MCPH1: variants seen among roughly 807,000 people sequenced by gnomAD.
MCPH1 encodes microcephalin.
A neutral mutation model predicts 84.5 loss-of-function variants in MCPH1; 104 were observed. The ratio of observed to expected loss-of-function variants is 1.23; its 90% CI spans 1.05 to 1.45. The LOEUF (loss-of-function observed/expected upper bound fraction) is 1.45, where lower values mean the gene tolerates loss of function less well. Ranked by LOEUF, MCPH1 falls within the 40% of genes most tolerant of loss-of-function variation. The pLI is 0.00. For missense variants in MCPH1, 1,498 were observed against 1,005.7 expected, an observed-to-expected ratio of 1.49 and a Z score of -6.62; for synonymous variants, 514 against 366.8, an observed-to-expected ratio of 1.40 and a Z score of -4.58.
chr8:6,478,738 G>A (rs757879356), intron 10 of MCPH1, among the ~76,000 whole-genome samples: 2 of 152,024 alleles, frequency 1.3e-5, no homozygotes, highest in Non-Finnish European at 2.9e-5. Context: ...TTTTGTTTTT[G>A]TTTTTGTTTT....
At chr8:6,517,422 A>C (rs1006009444) in intron 12 of MCPH1, among the ~76,000 whole-genome samples, 2 of 152,258 alleles carry the variant, frequency 1.3e-5, no homozygotes, top group African/African-American at 4.8e-5. Context: ...ATGACCATAC[A>C]TGCTTTTGAT....
intron 9 of MCPH1, among the ~76,000 whole-genome samples, chr8:6,466,080 G>C (rs867901640): frequency 6.7e-6 from 1 of 149,522 alleles, no homozygotes; most frequent in African/African-American, 2.5e-5. Flanking sequence ...TCAGCCTCCC[G>C]AGTAGCTGGG....
intron 13 of MCPH1, chr8:6,622,137 G>T (rs79123647): frequency 4.8e-5 from 13 of 268,168 alleles, no homozygotes; most frequent in Non-Finnish European, 8.1e-5. Context: ...TGATCACTCC[G>T]TCTGCTCATG....
chr8:6,630,192 T>C (rs1211649347), intron 13 of MCPH1, among the ~76,000 whole-genome samples: 1 of 152,088 alleles, frequency 6.6e-6, no homozygotes, highest in Non-Finnish European at 1.5e-5. Context: ...GGCTCAGCAA[T>C]AGCAAAAAAC....
At chr8:6,468,123 A>G (rs946051827) in intron 9 of MCPH1, among the ~76,000 whole-genome samples, 5 of 152,174 alleles carry the variant, frequency 3.3e-5, no homozygotes, top group African/African-American at 1.2e-4. Context: ...TTCACCACCA[A>G]GGATCCAGAG....
chr8:6,567,647 G>A (rs913354693), intron 12 of MCPH1, among the ~76,000 whole-genome samples: 2 of 152,142 alleles, frequency 1.3e-5, no homozygotes, highest in African/African-American at 4.8e-5. Context: ...GAAGCCTCGG[G>A]GAGCCAATGG....
At chr8:6,522,501 C>T (rs1345755063) in intron 12 of MCPH1, among the ~76,000 whole-genome samples, 2 of 152,146 alleles carry the variant, frequency 1.3e-5, no homozygotes, top group African/African-American at 4.8e-5. Flanking sequence ...GGGCCAGGCT[C>T]AGTGGCTCAC....
At chr8:6,447,891 T>A (rs1563225380) in intron 8 of MCPH1, among the ~76,000 whole-genome samples, 1 of 152,204 alleles carries the variant, frequency 6.6e-6, no homozygotes, top group African/African-American at 2.4e-5. Flanking sequence ...TTAATTTTTT[T>A]CTTTTTTACT....
At chr8:6,421,360 C>T (rs773630802) in intron 3 of MCPH1, among the ~76,000 whole-genome samples, 1 of 152,118 alleles carries the variant, frequency 6.6e-6, no homozygotes, top group Non-Finnish European at 1.5e-5. Context: ...GAGGCCTCTC[C>T]TGCCGGGCTT....
At chr8:6,463,021 G>A (rs1806455791) in intron 9 of MCPH1, among the ~76,000 whole-genome samples, 1 of 152,230 alleles carries the variant, frequency 6.6e-6, no homozygotes, top group African/African-American at 2.4e-5. Context: ...AGTCCACACT[G>A]TGTTTCTTGT....
intron 12 of MCPH1, among the ~76,000 whole-genome samples, chr8:6,611,246 T>A (rs1343953493): frequency 6.6e-6 from 1 of 152,122 alleles, no homozygotes; most frequent in Non-Finnish European, 1.5e-5. Context: ...TACAATCCAA[T>A]TGTGGCACCG....
chr8:6,504,266 C>G (rs942635729), intron 12 of MCPH1, among the ~76,000 whole-genome samples: 40 of 136,522 alleles, frequency 2.9e-4, no homozygotes, highest in African/African-American at 1.1e-3. Context: ...TGCAGTGAGC[C>G]GAGATCGCGC....
chr8:6,514,818 C>T (rs745762047), intron 12 of MCPH1: 7 of 1,556,044 alleles, frequency 4.5e-6, no homozygotes, highest in Non-Finnish European at 5.3e-6. Flanking sequence ...CAGAGCCCCC[C>T]CACTCCCCCC....
chr8:6,532,048 G>A (rs1337194678), intron 12 of MCPH1, among the ~76,000 whole-genome samples: 4 of 152,160 alleles, frequency 2.6e-5, no homozygotes, highest in East Asian at 1.9e-4. Context: ...GACAGAGGGG[G>A]TATTCATCTT....
Position 6,640,059 on chromosome 8 carries a change from CGTGTGTGTGTGTGTGTGTGTGTGTGT to C in MCPH1, c.2453-2921_2453-2896del, listed in dbSNP as rs147642349. Reference sequence around the variant, plus strand: ...CGGCTGGCTTCTGCTATTTTAAACTCGTGTGTGTGTGTGTGTGTGTGTGTGTGTGTGTGTGTGTGCGCGCGCGTGTG... The same window carrying C: ...CGGCTGGCTTCTGCTATTTTAAACTCGTGTGTGTGTGTGCGCGCGCGTGTG... On this transcript the variant is annotated intron_variant, in intron 13 of 13. Coordinates refer to ENST00000344683, the MANE Select transcript of MCPH1 (RefSeq NM_024596.5). Among the ~76,000 whole-genome samples, 838 of 134,284 alleles carry C rather than the reference CGTGTGTGTGTGTGTGTGTGTGTGTGT, an allele frequency of 6.2e-3. 10 individuals carry two copies. Among genetic ancestry groups the C allele is most frequent in the African/African-American group, 0.022 (794 of 35,680 alleles). 88.1% of individuals were successfully genotyped at this position (134,284 alleles called of 152,430 possible).
intron 2 of MCPH1, among the ~76,000 whole-genome samples, chr8:6,411,694 T>G (rs1242225297): frequency 6.6e-6 from 1 of 152,198 alleles, no homozygotes; most frequent in Non-Finnish European, 1.5e-5. Context: ...ATTACCCTAT[T>G]TTGTTATCAT....
At chr8:6,629,923 T>C (rs1312305530) in intron 13 of MCPH1, among the ~76,000 whole-genome samples, 1 of 152,198 alleles carries the variant, frequency 6.6e-6, no homozygotes, top group Non-Finnish European at 1.5e-5. Context: ...GGAAAACTCT[T>C]TTTTGTTTAC....
At chr8:6,418,536 C>T (rs1433393804) in intron 3 of MCPH1, among the ~76,000 whole-genome samples, 1 of 152,062 alleles carries the variant, frequency 6.6e-6, no homozygotes, top group African/African-American at 2.4e-5. Flanking sequence ...TTCTTCTTCC[C>T]TTCAACATTA....
At chr8:6,620,508 C>G (rs537477342) in intron 12 of MCPH1, among the ~76,000 whole-genome samples, 2 of 152,130 alleles carry the variant, frequency 1.3e-5, no homozygotes, top group Non-Finnish European at 2.9e-5. Flanking sequence ...GAGAGGACCC[C>G]GACGTCACCC....
Sources: gnomAD v4.1 joint callset for allele counts (sites outside exome capture counted in the v4.1 genomes callset) on GRCh38, gnomAD v4.1.1 for gene constraint, MANE v1.5 for transcripts, NCBI Gene and HGNC (gene_info 2026-07-23, HGNC 2026-07-21) for gene names.